The following ZNF275 variants were observed in gnomAD, a reference collection of about 807,000 sequenced individuals.
ZNF275 encodes the protein zinc finger protein 275.
In ZNF275, 4 loss-of-function variants were observed where a neutral mutation model predicts 4.3. The observed-to-expected ratio is 0.93, with a 90% CI of 0.46 to 2.13. ZNF275 has a LOEUF of 2.13. Among genes scored for constraint, ZNF275 ranks in the 30% most tolerant of loss-of-function variants. The pLI is 0.02. For missense variants in ZNF275, 352 were observed against 397.1 expected (o/e 0.89, Z 0.97); for synonymous variants, 173 against 166.9 (o/e 1.04, Z -0.28).
chrX:153,347,800 G>A lies in ZNF275; in HGVS notation c.1115G>A (p.Ser372Asn). ...CTCATCAAGCACCGGCGCATCCACA[G>A]CGGACTGAAACCCTATGAGTGCGAC... Reference protein sequence around the residue: ...SDLIKHRRIHSGLKPYECDKC... With the variant: ...SDLIKHRRIHNGLKPYECDKC... The change falls in exon 4 of 4, where the codon AGC (serine) becomes AAC (asparagine). Residue 372 changes from serine to asparagine, a missense_variant. By Grantham distance (46) the Ser-to-Asn change is conservative. Transcript: ENST00000650114. 1 of 1,210,007 alleles carries A rather than the reference G, an allele frequency of 8.3e-7. No homozygotes were observed. Among genetic ancestry groups the A allele is most frequent in the Non-Finnish European group, 1.1e-6 (1 of 894,286 alleles).
chrX:153,336,267 T>C (rs958051146), intron 1 of ZNF275, among the ~76,000 whole-genome samples: 2 of 112,596 alleles, frequency 1.8e-5, no homozygotes, highest in African/African-American at 3.2e-5. Flanking sequence ...CAGACACAAA[T>C]ACCCCAAGAG....
chrX:153,347,699 G>T lies in ZNF275; in HGVS notation c.1014G>T (p.Glu338Asp). Residue 338 changes from glutamate to aspartate, a missense_variant, in exon 4 of 4, where the codon GAG becomes GAT. Glu to Asp is a conservative substitution (Grantham distance 45). Coordinates refer to ENST00000650114, the MANE Select transcript of ZNF275 (RefSeq NM_001367757.1). ...KAFRQSSSLL[E>D]HARIHSGERP... Reference sequence around the variant, plus strand: ...TCCGCCAGAGCTCCAGCCTCCTGGAGCACGCACGCATCCACAGTGGCGAGC... The same window carrying T: ...TCCGCCAGAGCTCCAGCCTCCTGGATCACGCACGCATCCACAGTGGCGAGC... The T allele has an allele frequency of 8.3e-7, 1 of 1,209,557 alleles. No individual in the cohort carries two copies. The highest frequency in any genetic ancestry group is 1.1e-6 in the Non-Finnish European group (1 of 894,455).
In ZNF275 at chrX:153,346,898, G is replaced by A. The variant is rs370098208; in HGVS notation, c.213G>A (p.Arg71=). ...PQEMASTSFP[R]ASGPSPEFRQ... Reference sequence around the variant, plus strand: ...AGATGGCGTCCACAAGCTTCCCAAGGGCCAGTGGTCCCAGTCCTGAATTCA... The same window carrying A: ...AGATGGCGTCCACAAGCTTCCCAAGAGCCAGTGGTCCCAGTCCTGAATTCA... Residue 71 remains arginine, a synonymous_variant, in exon 4 of 4, where the codon AGG becomes AGA. Transcript: ENST00000650114. 2.5e-6 allele frequency: 3 copies of A among 1,209,019 alleles called. No individual in the cohort carries two copies. The African/African-American group carries it at 5.2e-5, about 21-fold the overall frequency.
rs1430115018 is a variant in ZNF275, at chrX:153,348,614, A to T, written c.*639A>T. ...CCAACATGGGAACCCTGTTTGAGTC[A>T]TCAGACAGTTTCAAGACACACCCAG... On this transcript the variant is annotated 3_prime_UTR_variant, in exon 4 of 4. Transcript: ENST00000650114. 8.2e-6 allele frequency: 1 copy of T among 122,667 alleles called. No individual in the cohort carries two copies. The highest frequency in any genetic ancestry group is 3.3e-5 in the African/African-American group (1 of 30,575). 10.1% of individuals were successfully genotyped at this position (122,667 alleles called of 1,213,427 possible).
At chrX:153,336,380 C>G (rs782808375) in intron 1 of ZNF275, among the ~76,000 whole-genome samples, 6 of 112,930 alleles carry the variant, frequency 5.3e-5, no homozygotes, top group Non-Finnish European at 1.1e-4. Context: ...GGGATGGGCC[C>G]ACGTGGGGCC....
rs781861700 is a variant in ZNF275, at chrX:153,348,009, G to A, written c.*34G>A. Reference sequence around the variant, plus strand: ...TGTGGTCCCGCGGGACAGGGACGGAGTCCCCAGAGGGGATGGCAGAGTCAA... The same window carrying A: ...TGTGGTCCCGCGGGACAGGGACGGAATCCCCAGAGGGGATGGCAGAGTCAA... On this transcript the variant is annotated 3_prime_UTR_variant, in exon 4 of 4. Coordinates refer to ENST00000650114, the MANE Select transcript of ZNF275 (RefSeq NM_001367757.1). 4.2e-5 allele frequency: 45 copies of A among 1,074,704 alleles called. No individual in the cohort carries two copies. The South Asian group carries it at 9.3e-4, about 22-fold the overall frequency. The allele number at this position is 1,074,704 out of a possible 1,213,427, so 88.6% of individuals were successfully genotyped here.
Position 153,350,021 on chromosome X carries a change from C to A in ZNF275, c.*2046C>A, listed in dbSNP as rs1369010264. 8.1e-6 allele frequency: 1 copy of A among 124,146 alleles called. No homozygotes were observed. The highest frequency in any genetic ancestry group is 1.9e-5 in the Non-Finnish European group (1 of 53,417). 10.2% of individuals were successfully genotyped at this position (124,146 alleles called of 1,213,427 possible). ...TCCTTTGAGCTCCTGGGAGCCTTGGCAATGCTCCGAGTGGATTCAGTGACT... is the reference window on the plus strand; with the variant it reads ...TCCTTTGAGCTCCTGGGAGCCTTGGAAATGCTCCGAGTGGATTCAGTGACT... On this transcript the variant is annotated 3_prime_UTR_variant, in exon 4 of 4. Coordinates refer to ENST00000650114, the MANE Select transcript of ZNF275 (RefSeq NM_001367757.1).
intron 2 of ZNF275, among the ~76,000 whole-genome samples, chrX:153,341,698 T>C (rs2088481354): frequency 8.9e-6 from 1 of 112,551 alleles, no homozygotes; most frequent in African/African-American, 3.2e-5. Context: ...TGGAAGGAAA[T>C]TTTCCTTGAA....
chrX:153,337,027 G>T (rs972384738), intron 2 of ZNF275, among the ~76,000 whole-genome samples: 1 of 111,504 alleles, frequency 9.0e-6, no homozygotes, highest in Non-Finnish European at 1.9e-5. Context: ...GAAGACACCC[G>T]TTGCTCTGGC....
chrX:153,339,649 G>C (rs2088468791), intron 2 of ZNF275, among the ~76,000 whole-genome samples: 1 of 111,530 alleles, frequency 9.0e-6, no homozygotes, highest in African/African-American at 3.3e-5. Context: ...CTACACTCCA[G>C]CCTGGGTGAC....
At chrX:153,339,905 C>T (rs975381913) in intron 2 of ZNF275, among the ~76,000 whole-genome samples, 1 of 111,522 alleles carries the variant, frequency 9.0e-6, no homozygotes, top group Non-Finnish European at 1.9e-5. Flanking sequence ...AGGTCTCTGG[C>T]CTGAGGTCAG....
intron 2 of ZNF275, among the ~76,000 whole-genome samples, chrX:153,337,154 C>T (rs1407725531): frequency 1.8e-5 from 2 of 111,705 alleles, no homozygotes; most frequent in East Asian, 5.6e-4. Flanking sequence ...CCAGGTGTTT[C>T]TGGCACCCCT....
chrX:153,348,606 T>G lies in ZNF275; in HGVS notation c.*631T>G, dbSNP rs963841941. ...CGTCTTCACCAACATGGGAACCCTG[T>G]TTGAGTCATCAGACAGTTTCAAGAC... On this transcript the variant is annotated 3_prime_UTR_variant, in exon 4 of 4. Transcript: ENST00000650114. 2.4e-5 allele frequency: 3 copies of G among 122,676 alleles called. No individual in the cohort carries two copies. Among genetic ancestry groups the G allele is most frequent in the Non-Finnish European group, 5.6e-5 (3 of 53,149 alleles). The allele number at this position is 122,676 out of a possible 1,213,427, so 10.1% of individuals were successfully genotyped here.
chrX:153,335,830 C>T (rs1163298585), intron 1 of ZNF275, among the ~76,000 whole-genome samples: 2 of 110,365 alleles, frequency 1.8e-5, no homozygotes, highest in Non-Finnish European at 3.8e-5. Context: ...CTTGGTCTCT[C>T]CCAAACCTGC....
chrX:153,334,675 C>G (rs2088432175), intron 1 of ZNF275, among the ~76,000 whole-genome samples: 1 of 110,023 alleles, frequency 9.1e-6, no homozygotes, highest in African/African-American at 3.3e-5. Flanking sequence ...GGGAACCGCT[C>G]AGGGGCGGAG....
chrX:153,344,647 G>A lies in ZNF275; in HGVS notation c.32-873G>A, dbSNP rs376137626. ...TCATTCTAAAATAGATGGAAAGACT[G>A]ATGAGCCCTGGGAATTCTTTCAGGA... On this transcript the variant is annotated intron_variant, in intron 2 of 3. Transcript: ENST00000650114. The A allele has an allele frequency of 2.0e-4, 76 of 374,173 alleles. 1 individual carries two copies. The highest frequency in any genetic ancestry group is 1.9e-3 in the African/African-American group (73 of 39,125). 30.8% of individuals were successfully genotyped at this position (374,173 alleles called of 1,213,427 possible).
rs1556961972 is a variant in ZNF275 at position 153,348,565 on chromosome X, T to C, written c.*590T>C. 1 of 122,816 alleles carries C rather than the reference T, an allele frequency of 8.1e-6. No individual in the cohort carries two copies. The highest frequency in any genetic ancestry group is 1.9e-5 in the Non-Finnish European group (1 of 53,188). 10.1% of individuals were successfully genotyped at this position (122,816 alleles called of 1,213,427 possible). A position where few individuals can be genotyped will look rare whatever the true frequency, so the allele number is the denominator to read the frequency against. On this transcript the variant is annotated 3_prime_UTR_variant, in exon 4 of 4. Transcript: ENST00000650114. ...CACCCTCCCTTTCACGAAATCATTT[T>C]ACTCTGACTCCTCACCGTCTTCACC... is the stretch of plus-strand genomic sequence containing the variant.
In ZNF275 at chrX:153,347,868, C is replaced by T. The variant is rs781963435; in HGVS notation, c.1183C>T (p.His395Tyr). ...AFRRSSGLSR[H>Y]RRIHSGARRC... Reference sequence around the variant, plus strand: ...CCGCCGGAGCTCCGGCCTCAGTCGCCACCGGCGGATCCACAGTGGGGCGCG... The same window carrying T: ...CCGCCGGAGCTCCGGCCTCAGTCGCTACCGGCGGATCCACAGTGGGGCGCG... The change falls in exon 4 of 4, where the codon CAC (histidine) becomes TAC (tyrosine). Residue 395 changes from histidine (H) to tyrosine (Y), a missense_variant. Coordinates refer to ENST00000650114, the MANE Select transcript of ZNF275 (RefSeq NM_001367757.1). The T allele has an allele frequency of 8.3e-7, 1 of 1,203,897 alleles. No individual in the cohort carries two copies. Among genetic ancestry groups the T allele is most frequent in the Non-Finnish European group, 1.1e-6 (1 of 891,318 alleles).
chrX:153,336,640 C>G lies in ZNF275; in HGVS notation c.-40C>G, dbSNP rs1556960610. 8.6e-7 allele frequency: 1 copy of G among 1,161,727 alleles called. No homozygotes were observed. Among genetic ancestry groups the G allele is most frequent in the African/African-American group, 1.8e-5 (1 of 56,204 alleles). On this transcript the variant is annotated 5_prime_UTR_variant, in exon 2 of 4. Transcript: ENST00000650114. ...AATTATTGCAATCCAACAGATGGGGCCTTACCTGCCAGGCTGATCCCTTGG... is the reference window on the plus strand; with the variant it reads ...AATTATTGCAATCCAACAGATGGGGGCTTACCTGCCAGGCTGATCCCTTGG...
Sources: allele counts gnomAD v4.1 joint callset (sites outside exome capture counted in the v4.1 genomes callset), GRCh38; gene constraint gnomAD v4.1.1; transcripts MANE v1.5; gene names NCBI Gene and HGNC (gene_info 2026-07-23, HGNC 2026-07-21).